Variants in KAZN observed in about 807,000 individuals in gnomAD.
KAZN encodes kazrin.
Under a neutral mutation model 87.4 loss-of-function variants are expected in KAZN, and 40 were observed. That is an observed-to-expected ratio of 0.46 (90% CI 0.36 to 0.60). The LOEUF (loss-of-function observed/expected upper bound fraction) is 0.60. Among genes scored for constraint, KAZN ranks in the 20% least tolerant of loss-of-function variants. The pLI, the probability that KAZN is intolerant of heterozygous loss-of-function variation, is 0.00. For synonymous variants in KAZN, 466 were observed against 458.3 expected, an observed-to-expected ratio of 1.02 and a Z score of -0.22; for missense variants, 898 against 1,073.9, an observed-to-expected ratio of 0.84 and a Z score of 2.29.
intron 2 of KAZN, among the ~76,000 whole-genome samples, chr1:14,556,827 G>A (rs760199955): frequency 3.3e-5 from 5 of 152,240 alleles, no homozygotes; most frequent in Admixed American, 1.3e-4. Flanking sequence ...TTCTATCCCC[G>A]ATTTTACTAA....
chr1:15,095,528 G>A (rs1640770093), intron 10 of KAZN, among the ~76,000 whole-genome samples: 2 of 150,926 alleles, frequency 1.3e-5, no homozygotes, highest in African/African-American at 4.9e-5. Context: ...CGGCCTGCCT[G>A]CCTCTCTCCT....
In KAZN at chr1:13,972,972, G is replaced by T. The variant is rs557037799; in HGVS notation, c.91+79216G>T. ...TTAACATATTTATTGTCTATCACAT[G>T]CCAGGAATTGTTTTAGGTACAATAA... On this transcript the variant is annotated intron_variant, in intron 1 of 16. Transcript: ENST00000636203. Among the ~76,000 whole-genome samples the T allele has an allele frequency of 2.6e-5, 4 of 152,274 alleles. No homozygotes were observed. In the South Asian group the frequency reaches 8.3e-4, roughly 32 times the overall value.
At chr1:14,939,768 T>C (rs1054093032) in intron 1 of KAZN, among the ~76,000 whole-genome samples, 4 of 152,084 alleles carry the variant, frequency 2.6e-5, no homozygotes, top group Non-Finnish European at 4.4e-5. Context: ...AGGCTCAGGG[T>C]CCAGGCACTG....
intron 1 of KAZN, among the ~76,000 whole-genome samples, chr1:14,168,663 G>A (rs1254760930): frequency 2.6e-5 from 4 of 152,242 alleles, no homozygotes; most frequent in Admixed American, 6.5e-5. Flanking sequence ...TTAGTGTAGC[G>A]ATGAATTGTC....
chr1:15,008,692 C>T (rs981740318), intron 2 of KAZN, among the ~76,000 whole-genome samples: 2 of 152,190 alleles, frequency 1.3e-5, no homozygotes, highest in Non-Finnish European at 1.5e-5. Flanking sequence ...TCTAGCTTGT[C>T]CCGTCTGCCT....
chr1:14,391,766 T>C (rs1662454069), intron 2 of KAZN, among the ~76,000 whole-genome samples: 4 of 152,228 alleles, frequency 2.6e-5, no homozygotes, highest in Non-Finnish European at 5.9e-5. Flanking sequence ...GGCTTTTGTT[T>C]ATTCTCTTTG....
intron 2 of KAZN, among the ~76,000 whole-genome samples, chr1:14,563,582 C>G (rs1039745743): frequency 1.3e-5 from 2 of 152,248 alleles, no homozygotes; most frequent in African/African-American, 4.8e-5. Flanking sequence ...TCCGCTACTC[C>G]CATACCTAAG....
At chr1:14,188,054 G>T (rs188083342) in intron 2 of KAZN, among the ~76,000 whole-genome samples, 33 of 152,194 alleles carry the variant, frequency 2.2e-4, no homozygotes, top group Middle Eastern at 3.4e-3. Flanking sequence ...AAATATGGGA[G>T]TAAACAGATA....
At chr1:14,714,134 G>A (rs1572292090) in intron 1 of KAZN, among the ~76,000 whole-genome samples, 1 of 152,242 alleles carries the variant, frequency 6.6e-6, no homozygotes, top group Non-Finnish European at 1.5e-5. Context: ...GACTGCCTGT[G>A]GTTTGGGTGC....
At chr1:14,620,012 G>A (rs1326383517) in intron 1 of KAZN, among the ~76,000 whole-genome samples, 1 of 152,072 alleles carries the variant, frequency 6.6e-6, no homozygotes, top group African/African-American at 2.4e-5. Context: ...TTCAGTTTTA[G>A]CCTCTTCTCA....
At chr1:14,205,418 A>G (rs1028098644) in intron 2 of KAZN, among the ~76,000 whole-genome samples, 1 of 152,168 alleles carries the variant, frequency 6.6e-6, no homozygotes. Context: ...TATTGTCATG[A>G]ACTAATGTAT....
At chr1:13,918,541 A>G (rs1184706724) in intron 1 of KAZN, among the ~76,000 whole-genome samples, 2 of 152,272 alleles carry the variant, frequency 1.3e-5, no homozygotes, top group East Asian at 3.8e-4. Flanking sequence ...GTAATATTAC[A>G]TAAACTTAGT....
intron 1 of KAZN, among the ~76,000 whole-genome samples, chr1:13,942,604 T>C: frequency 6.6e-6 from 1 of 150,376 alleles, no homozygotes; most frequent in East Asian, 1.9e-4. Context: ...CACCTCAAAT[T>C]CTCTTTATAA....
intron 1 of KAZN, among the ~76,000 whole-genome samples, chr1:14,144,035 T>A (rs1338768315): frequency 6.6e-6 from 1 of 152,096 alleles, no homozygotes; most frequent in African/African-American, 2.4e-5. Context: ...TTTCTATTAA[T>A]CTATCAGCAG....
intron 1 of KAZN, among the ~76,000 whole-genome samples, chr1:14,851,977 C>T (rs866219860): frequency 1.3e-5 from 2 of 152,172 alleles, no homozygotes; most frequent in African/African-American, 4.8e-5. Flanking sequence ...ATGAGAAATG[C>T]GCCTGGACTT....
chr1:14,995,602 C>T (rs537803304), intron 2 of KAZN, among the ~76,000 whole-genome samples: 151 of 150,622 alleles, frequency 1.0e-3, no homozygotes, highest in African/African-American at 3.5e-3. Context: ...CCAGCCTGGG[C>T]GACAGAGTGA....
chr1:15,101,565 G>C lies in KAZN; in HGVS notation c.1570G>C (p.Asp524His). The change falls in exon 11 of 15, where the codon GAC becomes CAC. Residue 524 changes from aspartate to histidine, a missense_variant. Physicochemically the swap from Asp to His is moderately conservative, Grantham distance 81. Transcript: ENST00000376030. ...GRSLSKAAEL[D>H]HHWVAKAWLN... ...CAGCCTGTCCAAAGCTGCCGAGCTG[G>C]ACCATCACTGGGTGGCCAAGGCCTG... 6.4e-7 allele frequency: 1 copy of C among 1,552,404 alleles called. No homozygotes were observed. Among genetic ancestry groups the C allele is most frequent in the Non-Finnish European group, 8.7e-7 (1 of 1,147,370 alleles).
At chr1:14,459,611 A>G (rs1160124064) in intron 2 of KAZN, among the ~76,000 whole-genome samples, 1 of 152,054 alleles carries the variant, frequency 6.6e-6, no homozygotes, top group Non-Finnish European at 1.5e-5. Flanking sequence ...CCAATTAACC[A>G]TGTCTCCCCT....
intron 2 of KAZN, among the ~76,000 whole-genome samples, chr1:14,577,711 T>G (rs985799258): frequency 6.6e-6 from 1 of 152,212 alleles, no homozygotes; most frequent in Non-Finnish European, 1.5e-5. Flanking sequence ...ATTGATTGAC[T>G]TCCATTGCAT....
Sources: allele counts gnomAD v4.1 joint callset (sites outside exome capture counted in the v4.1 genomes callset), GRCh38; gene constraint gnomAD v4.1.1; transcripts MANE v1.5; gene names NCBI Gene and HGNC (gene_info 2026-07-23, HGNC 2026-07-21).